The following ZNF555 variants were observed in gnomAD, a reference collection of about 807,000 sequenced individuals.
ZNF555 encodes the protein zinc finger protein 555.
In ZNF555, 10 loss-of-function variants were observed where a neutral mutation model predicts 14.0. That is an observed-to-expected ratio of 0.72 (90% CI 0.44 to 1.21). The LOEUF (loss-of-function observed/expected upper bound fraction) is 1.21, where lower values mean the gene tolerates loss of function less well. ZNF555 is among the 50% of genes most tolerant of loss of function. ZNF555 has a pLI of 0.00. For synonymous variants in ZNF555, 277 were observed against 262.4 expected (o/e 1.06, Z -0.54); for missense variants, 747 against 762.0 (o/e 0.98, Z 0.23).
rs138809064 is a variant in ZNF555 at position 2,847,603 on chromosome 19, A to T, written c.4-2984A>T. On this transcript the variant is annotated intron_variant, in intron 1 of 3. Coordinates refer to ENST00000334241, the MANE Select transcript of ZNF555 (RefSeq NM_152791.5). Reference sequence around the variant, plus strand: ...TGCAGGTTCAAATCCTGCCTTCAGCATTTATTAGCTGAACTGATGCTAATA... The same window carrying T: ...TGCAGGTTCAAATCCTGCCTTCAGCTTTTATTAGCTGAACTGATGCTAATA... Among the ~76,000 whole-genome samples the T allele has an allele frequency of 3.6e-3, 549 of 152,322 alleles. 5 individuals carry two copies. The highest frequency in any genetic ancestry group is 0.013 in the African/African-American group (531 of 41,576).
At chr19:2,847,052 A>G (rs958196464) in intron 1 of ZNF555, among the ~76,000 whole-genome samples, 1 of 152,186 alleles carries the variant, frequency 6.6e-6, no homozygotes, top group Non-Finnish European at 1.5e-5. Context: ...ATTCCAATCC[A>G]TACACCAGGG....
intron 2 of ZNF555, 130 bp downstream of exon 2, chr19:2,850,843 G>T: frequency 8.9e-7 from 1 of 1,124,610 alleles, no homozygotes. Flanking sequence ...CATAGTCACA[G>T]CTGTCATAGA....
Position 2,852,670 on chromosome 19 carries a change from G to C in ZNF555, c.605G>C (p.Cys202Ser). 6.2e-7 allele frequency: 1 copy of C among 1,614,196 alleles called. No homozygotes were observed. The highest frequency in any genetic ancestry group is 1.3e-5 in the African/African-American group (1 of 75,056). ...CACAATGGAGAGAGACCCTATGTGTGTAAATTATGTGGGAAAACCTTTCCT... is the reference window on the plus strand; with the variant it reads ...CACAATGGAGAGAGACCCTATGTGTCTAAATTATGTGGGAAAACCTTTCCT... ...RTHNGERPYV[C>S]KLCGKTFPRT... Residue 202 changes from cysteine (C) to serine (S), a missense_variant, in exon 4 of 4, where the codon TGT (cysteine) becomes TCT (serine). Coordinates refer to ENST00000334241, the MANE Select transcript of ZNF555 (RefSeq NM_152791.5).
chr19:2,849,237 G>A (rs559902790), intron 1 of ZNF555, among the ~76,000 whole-genome samples: 10 of 152,148 alleles, frequency 6.6e-5, no homozygotes, highest in Admixed American at 5.9e-4. Context: ...CGTGCATCTC[G>A]GGGGTTCCAT....
intron 1 of ZNF555, among the ~76,000 whole-genome samples, chr19:2,846,610 G>C (rs995281948): frequency 2.0e-5 from 3 of 152,234 alleles, no homozygotes. Flanking sequence ...TTAGCAGTGG[G>C]CAGTGTCAGG....
rs1009414087 is a variant in ZNF555 at position 2,860,448 on chromosome 19, A to G, written c.*6496A>G. 3 of 152,036 alleles carry G rather than the reference A, an allele frequency of 2.0e-5. No individual in the cohort carries two copies. Among genetic ancestry groups the G allele is most frequent in the Admixed American group, 6.6e-5 (1 of 15,256 alleles). 9.4% of individuals were successfully genotyped at this position (152,036 alleles called of 1,614,324 possible). On this transcript the variant is annotated 3_prime_UTR_variant, in exon 4 of 4. Coordinates refer to ENST00000334241, the MANE Select transcript of ZNF555 (RefSeq NM_152791.5). Reference sequence around the variant, plus strand: ...GCGTTGAGAGGCATATATTTATTGCACTATTAAATTCTTCCAAAATATAGT... The same window carrying G: ...GCGTTGAGAGGCATATATTTATTGCGCTATTAAATTCTTCCAAAATATAGT...
rs746071785 is a variant in ZNF555 at position 2,853,468 on chromosome 19, G to A, written c.1403G>A (p.Arg468Gln). 7.4e-6 allele frequency: 12 copies of A among 1,613,956 alleles called. No individual in the cohort carries two copies. Among genetic ancestry groups the A allele is most frequent in the Admixed American group, 3.3e-5 (2 of 59,992 alleles). The change falls in exon 4 of 4, where the codon CGA becomes CAA. Residue 468 changes from arginine to glutamine, a missense_variant. Arg to Gln is a conservative substitution (Grantham distance 43). Transcript: ENST00000334241. Reference sequence around the variant, plus strand: ...GCCTTCAGCTTGTCTGCTTGCTTTCGAGAACATGTGAGAATGCACCCTGAA... The same window carrying A: ...GCCTTCAGCTTGTCTGCTTGCTTTCAAGAACATGTGAGAATGCACCCTGAA... ...GKAFSLSACFREHVRMHPEDK... is the reference protein window; with the variant it reads ...GKAFSLSACFQEHVRMHPEDK...
Position 2,855,955 on chromosome 19 carries a change from CTT to C in ZNF555, c.*2006_*2007del, listed in dbSNP as rs2087679959. On this transcript the variant is annotated 3_prime_UTR_variant, in exon 4 of 4. Coordinates refer to ENST00000334241, the MANE Select transcript of ZNF555 (RefSeq NM_152791.5). ...AACTAATTACATTGGCAACAGCTCT[CTT>C]TTCGCATACTGAGGCACCGCGAATT... 2 of 152,148 alleles carry C rather than the reference CTT, an allele frequency of 1.3e-5. No homozygotes were observed. The highest frequency in any genetic ancestry group is 4.8e-5 in the African/African-American group (2 of 41,426). The allele number at this position is 152,148 out of a possible 1,614,324, so 9.4% of individuals were successfully genotyped here.
intron 1 of ZNF555, among the ~76,000 whole-genome samples, chr19:2,848,314 G>C (rs1180625378): frequency 6.6e-6 from 1 of 151,862 alleles, no homozygotes; most frequent in Non-Finnish European, 1.5e-5. Context: ...ACCACGCCCG[G>C]CTAATTTTTT....
Position 2,853,205 on chromosome 19 carries a change from C to G in ZNF555, c.1140C>G (p.Pro380=). The change falls in exon 4 of 4, where the codon CCC becomes CCG. Residue 380 remains proline, a synonymous_variant. Coordinates refer to ENST00000334241, the MANE Select transcript of ZNF555 (RefSeq NM_152791.5). ...CKQCGKTFIY[P]QSFRRHERTH... ...AGTGTGGGAAGACCTTCATTTATCCCCAGTCCTTTCGAAGACATGAAAGGA... is the reference window on the plus strand; with the variant it reads ...AGTGTGGGAAGACCTTCATTTATCCGCAGTCCTTTCGAAGACATGAAAGGA... 6.2e-7 allele frequency: 1 copy of G among 1,613,968 alleles called. No homozygotes were observed.
In ZNF555 at chr19:2,851,588, T is replaced by C; in HGVS notation, c.251T>C (p.Leu84Ser). Residue 84 changes from leucine (L) to serine (S), a missense_variant, in exon 3 of 4, where the codon TTA (leucine) becomes TCA (serine). Physicochemically the swap from Leu to Ser is moderately radical, Grantham distance 145. Transcript: ENST00000334241. ...FTRNVSWASV[L>S]GKIWDSLSIE... The stretch of plus-strand genomic sequence containing the variant: ...AGAAATGTTTCCTGGGCCTCTGTTT[T>C]AGGAAAAATTTGGGACAGTCTTAGC... 6.2e-7 allele frequency: 1 copy of C among 1,611,240 alleles called. No homozygotes were observed. Among genetic ancestry groups the C allele is most frequent in the Non-Finnish European group, 8.5e-7 (1 of 1,179,254 alleles).
intron 1 of ZNF555, among the ~76,000 whole-genome samples, chr19:2,844,556 T>C (rs1317987718): frequency 6.6e-6 from 1 of 152,232 alleles, no homozygotes; most frequent in Non-Finnish European, 1.5e-5. Context: ...GTTTTAAAAT[T>C]GGCGGCTGGT....
At chr19:2,852,015 G>T (rs1002680929) in intron 3 of ZNF555, among the ~76,000 whole-genome samples, 15 of 152,132 alleles carry the variant, frequency 9.9e-5, no homozygotes, top group Non-Finnish European at 2.2e-4. Flanking sequence ...GCAGGGCATG[G>T]TGCCGCAGGC....
Position 2,853,540 on chromosome 19 carries a change from A to T in ZNF555, c.1475A>T (p.His492Leu), listed in dbSNP as rs767131810. Reference protein sequence around the residue: ...CKLCGKAFYCHISLQKHMRRH... With the variant: ...CKLCGKAFYCLISLQKHMRRH... Reference sequence around the variant, plus strand: ...CTATGTGGGAAAGCTTTCTATTGCCACATATCCTTACAAAAACATATGAGA... The same window carrying T: ...CTATGTGGGAAAGCTTTCTATTGCCTCATATCCTTACAAAAACATATGAGA... The change falls in exon 4 of 4, where the codon CAC (histidine) becomes CTC (leucine). Residue 492 changes from histidine to leucine, a missense_variant. Transcript: ENST00000334241. The T allele has an allele frequency of 1.4e-5, 23 of 1,610,924 alleles. No individual in the cohort carries two copies. The highest frequency in any genetic ancestry group is 2.0e-5 in the Non-Finnish European group (23 of 1,177,738).
rs748412136 is a variant in ZNF555 at position 2,853,056 on chromosome 19, A to G, written c.991A>G (p.Met331Val). The G allele has an allele frequency of 5.6e-6, 9 of 1,614,056 alleles. No individual in the cohort carries two copies. Among genetic ancestry groups the G allele is most frequent in the Admixed American group, 5.0e-5 (3 of 60,002 alleles). ...FSYSSAFRRH[M>V]ITHTGEKPYE... The stretch of plus-strand genomic sequence containing the variant: ...TTATTCTTCGGCTTTTCGAAGACAC[A>G]TGATAACACACACTGGAGAGAAACC... The change falls in exon 4 of 4, where the codon ATG becomes GTG. Residue 331 changes from methionine (M) to valine (V), a missense_variant. Coordinates refer to ENST00000334241, the MANE Select transcript of ZNF555 (RefSeq NM_152791.5).
In ZNF555 at chr19:2,860,282, G is replaced by C. The variant is rs1392149031; in HGVS notation, c.*6330G>C. ...CCCATGTGTCTCAGTGGTGGTCCCT[G>C]TTTTCAGGAAAGAGTGTCTGTGAAT... On this transcript the variant is annotated 3_prime_UTR_variant, in exon 4 of 4. Transcript: ENST00000334241. The C allele has an allele frequency of 6.6e-6, 1 of 152,048 alleles. No homozygotes were observed. Among genetic ancestry groups the C allele is most frequent in the African/African-American group, 2.4e-5 (1 of 41,372 alleles). 9.4% of individuals were successfully genotyped at this position (152,048 alleles called of 1,614,324 possible). A position where few individuals can be genotyped will look rare whatever the true frequency, so the allele number is the denominator to read the frequency against.
At position 2,860,062 on chromosome 19, in the gene ZNF555, T is replaced by TGGTA. The variant is rs746646056; in HGVS notation, c.*6111_*6114dup. 3.9e-5 allele frequency: 6 copies of TGGTA among 152,162 alleles called. No homozygotes were observed. The highest frequency in any genetic ancestry group is 7.3e-5 in the Non-Finnish European group (5 of 68,030). The allele number at this position is 152,162 out of a possible 1,614,324, so 9.4% of individuals were successfully genotyped here. On this transcript the variant is annotated 3_prime_UTR_variant, in exon 4 of 4. Coordinates refer to ENST00000334241, the MANE Select transcript of ZNF555 (RefSeq NM_152791.5). ...AGTCAAGTACACTTTGTATGGACAG[T>TGGTA]GGTAATTCCTAAGAAGGAAAACAAA... is the stretch of plus-strand genomic sequence containing the variant.
At chr19:2,850,834 A>G in intron 2 of ZNF555, 121 bp downstream of exon 2, 1 of 1,220,102 alleles carries the variant, frequency 8.2e-7, no homozygotes, top group Non-Finnish European at 1.2e-6. Flanking sequence ...TAAGACAGAC[A>G]TAGTCACAGC....
intron 1 of ZNF555, among the ~76,000 whole-genome samples, chr19:2,850,164 T>G (rs1434123171): frequency 6.6e-6 from 1 of 152,224 alleles, no homozygotes; most frequent in Non-Finnish European, 1.5e-5. Flanking sequence ...CCTTCAGTGT[T>G]TTTATCCCAT....
Sources: allele counts gnomAD v4.1 joint callset (sites outside exome capture counted in the v4.1 genomes callset), GRCh38; gene constraint gnomAD v4.1.1; transcripts MANE v1.5; gene names NCBI Gene and HGNC (gene_info 2026-07-23, HGNC 2026-07-21).